Variants in HS6ST2 observed in about 807,000 individuals in gnomAD.
HS6ST2 encodes heparan sulfate 6-O-sulfotransferase 2, also known as heparan-sulfate 6-O-sulfotransferase 2.
A neutral mutation model predicts 33.0 loss-of-function variants in HS6ST2; 17 were observed. That is an observed-to-expected ratio of 0.52 (90% CI 0.35 to 0.77). The LOEUF is 0.77. Among genes scored for constraint, HS6ST2 ranks in the 30% least tolerant of loss-of-function variants. The pLI is 0.01. For missense variants in HS6ST2, 519 were observed against 551.7 expected (o/e 0.94, Z 0.59); for synonymous variants, 248 against 237.1 (o/e 1.05, Z -0.42).
intron 2 of HS6ST2, among the ~76,000 whole-genome samples, chrX:132,717,558 A>C (rs1032159373): frequency 1.8e-5 from 2 of 112,400 alleles, no homozygotes; most frequent in African/African-American, 6.5e-5. Flanking sequence ...GGTCAAGTAC[A>C]TGAAACATCT....
chrX:132,868,848 C>T (rs2066022568), intron 2 of HS6ST2, among the ~76,000 whole-genome samples: 1 of 111,290 alleles, frequency 9.0e-6, no homozygotes, highest in African/African-American at 3.3e-5. Flanking sequence ...AAAATAGACA[C>T]CCTAACATCA....
Position 132,670,697 on chromosome X carries a change from C to A in HS6ST2, c.981-1498G>T, listed in dbSNP as rs768923341. On this transcript the variant is annotated intron_variant, in intron 3 of 4. Coordinates refer to ENST00000370833, the MANE Select transcript of HS6ST2 (RefSeq NM_001394073.1). ...GCATGGTGGCGGGCGTCTGTAATCCCAGCTACTTGGGAGGCTGAGGCAGGA... is the reference window on the plus strand; with the variant it reads ...GCATGGTGGCGGGCGTCTGTAATCCAAGCTACTTGGGAGGCTGAGGCAGGA... Among the ~76,000 whole-genome samples, 252 of 112,455 alleles carry A rather than the reference C, an allele frequency of 2.2e-3. 1 individual carries two copies. Among genetic ancestry groups the A allele is most frequent in the Middle Eastern group, 0.014 (3 of 219 alleles).
In HS6ST2 at chrX:132,647,988, A is replaced by G. The variant is rs184626817; in HGVS notation, c.1068-18895T>C. Reference sequence around the variant, plus strand: ...TCAGACTCTGTGCTTCAGTTTCTTCATAAAGTGAAGATGATAATTCTATCA... The same window carrying G: ...TCAGACTCTGTGCTTCAGTTTCTTCGTAAAGTGAAGATGATAATTCTATCA... On this transcript the variant is annotated intron_variant, in intron 4 of 4. Coordinates refer to ENST00000370833, the MANE Select transcript of HS6ST2 (RefSeq NM_001394073.1). 3.6e-5 allele frequency among the ~76,000 whole-genome samples: 4 copies of G among 112,671 alleles called. No individual in the cohort carries two copies. The South Asian group carries it at 1.1e-3, about 31-fold the overall frequency.
chrX:132,706,752 A>T (rs771924449), intron 3 of HS6ST2, among the ~76,000 whole-genome samples: 1 of 112,535 alleles, frequency 8.9e-6, no homozygotes, highest in Non-Finnish European at 1.9e-5. Flanking sequence ...TATATTTATG[A>T]AACTGCATAT....
intron 2 of HS6ST2, among the ~76,000 whole-genome samples, chrX:132,949,362 T>C (rs888075367): frequency 6.3e-5 from 7 of 110,250 alleles, no homozygotes; most frequent in African/African-American, 2.0e-4. Context: ...CTGTTCCATA[T>C]AATTTATAAA....
intron 2 of HS6ST2, among the ~76,000 whole-genome samples, chrX:132,887,169 C>T (rs1319533569): frequency 8.2e-5 from 9 of 110,009 alleles, no homozygotes; most frequent in Non-Finnish European, 1.5e-4. Flanking sequence ...AAAAAGGTAA[C>T]CAATAATTCT....
intron 2 of HS6ST2, among the ~76,000 whole-genome samples, chrX:132,918,619 T>A (rs1224633121): frequency 1.8e-5 from 2 of 111,695 alleles, no homozygotes; most frequent in Non-Finnish European, 3.8e-5. Context: ...ATTTGCTACC[T>A]GCTTGGAATG....
chrX:132,845,510 G>A (rs1360534882), intron 2 of HS6ST2, among the ~76,000 whole-genome samples: 1 of 111,072 alleles, frequency 9.0e-6, no homozygotes, highest in East Asian at 2.8e-4. Context: ...TTATTACCTG[G>A]CACATAGGAG....
At chrX:132,804,622 A>C (rs2065263925) in intron 2 of HS6ST2, among the ~76,000 whole-genome samples, 1 of 111,710 alleles carries the variant, frequency 9.0e-6, no homozygotes, top group South Asian at 3.8e-4. Context: ...CAACATGGTG[A>C]AACCTCATTT....
chrX:132,769,683 T>C (rs2064878601), intron 2 of HS6ST2, among the ~76,000 whole-genome samples: 1 of 112,434 alleles, frequency 8.9e-6, no homozygotes, highest in African/African-American at 3.2e-5. Context: ...AGGCCAGCAA[T>C]AGGCATGTTG....
chrX:132,913,468 T>C (rs887655622), intron 2 of HS6ST2, among the ~76,000 whole-genome samples: 2 of 112,785 alleles, frequency 1.8e-5, no homozygotes, highest in African/African-American at 6.4e-5. Context: ...CAGATGCCAC[T>C]GTGTTCCCCT....
intron 2 of HS6ST2, among the ~76,000 whole-genome samples, chrX:132,742,828 A>G (rs1268787359): frequency 2.7e-5 from 3 of 112,397 alleles, no homozygotes; most frequent in African/African-American, 9.7e-5. Context: ...CACATTCCTC[A>G]ACACTTAAAG....
At position 132,883,571 on chromosome X, in the gene HS6ST2, A is replaced by G. The variant is rs377416767; in HGVS notation, c.947+73237T>C. ...TGTACAGAGCGCCCTTAACATAAGT[A>G]ACTCCATCTTAGAAAAAGACTCCAT... On this transcript the variant is annotated intron_variant, in intron 2 of 4. Transcript: ENST00000370833. Among the ~76,000 whole-genome samples the G allele has an allele frequency of 5.4e-5, 6 of 111,480 alleles. No individual in the cohort carries two copies. In the East Asian group the frequency reaches 1.7e-3, roughly 32 times the overall value.
At chrX:132,646,918 A>G (rs1446113971) in intron 4 of HS6ST2, among the ~76,000 whole-genome samples, 1 of 112,054 alleles carries the variant, frequency 8.9e-6, no homozygotes, top group Non-Finnish European at 1.9e-5. Flanking sequence ...ACTGCCCTTT[A>G]TAAAACCATC....
chrX:132,642,309 T>C (rs1035995140), intron 4 of HS6ST2, among the ~76,000 whole-genome samples: 7 of 111,401 alleles, frequency 6.3e-5, no homozygotes, highest in African/African-American at 2.3e-4. Context: ...CATTGTGCTA[T>C]TTTCCAGAGC....
chrX:132,812,046 C>G (rs2065351410), intron 2 of HS6ST2, among the ~76,000 whole-genome samples: 1 of 109,071 alleles, frequency 9.2e-6, no homozygotes, highest in Non-Finnish European at 1.9e-5. Context: ...ATATTCCCAC[C>G]AGCAGTGCAC....
intron 2 of HS6ST2, among the ~76,000 whole-genome samples, chrX:132,807,576 C>T (rs1001620138): frequency 2.0e-4 from 22 of 111,003 alleles, no homozygotes; most frequent in African/African-American, 5.9e-4. Context: ...TGCTCTTTAT[C>T]GAGCTCAGGT....
intron 2 of HS6ST2, among the ~76,000 whole-genome samples, chrX:132,932,512 CA>C (rs1306836279): frequency 9.0e-6 from 1 of 111,369 alleles, no homozygotes; most frequent in African/African-American, 3.3e-5. Flanking sequence ...CAAACAGCAA[CA>C]AATACACAAC....
intron 2 of HS6ST2, among the ~76,000 whole-genome samples, chrX:132,721,532 T>C (rs2148265160): frequency 8.9e-6 from 1 of 112,357 alleles, no homozygotes; most frequent in African/African-American, 3.2e-5. Flanking sequence ...GGGGTGACTG[T>C]TGTAAGCTTT....
Sources: allele counts gnomAD v4.1 joint callset (sites outside exome capture counted in the v4.1 genomes callset), GRCh38; gene constraint gnomAD v4.1.1; transcripts MANE v1.5; gene names NCBI Gene and HGNC (gene_info 2026-07-23, HGNC 2026-07-21).